ZNF385D: variants seen among roughly 807,000 people sequenced by gnomAD.
ZNF385D encodes zinc finger protein 385D, also known as zinc finger protein 659.
ZNF385D carries 15 observed loss-of-function variants against 35.8 expected under a neutral mutation model. The observed-to-expected ratio is 0.42, with a 90% CI of 0.28 to 0.64. The LOEUF (loss-of-function observed/expected upper bound fraction) is 0.64. Among genes scored for constraint, ZNF385D ranks in the 30% least tolerant of loss-of-function variants. The pLI, the probability that ZNF385D is intolerant of heterozygous loss-of-function variation, is 0.23. For missense variants in ZNF385D, 474 were observed against 494.6 expected (o/e 0.96, Z 0.39); for synonymous variants, 212 against 186.8 (o/e 1.13, Z -1.10).
At chr3:21,899,036 C>T (rs1396444163) in intron 3 of ZNF385D, among the ~76,000 whole-genome samples, 1 of 152,078 alleles carries the variant, frequency 6.6e-6, no homozygotes, top group Non-Finnish European at 1.5e-5. Context: ...GTTATTCCCT[C>T]AGACAATAGT....
chr3:21,592,557 C>CAAAAA (rs67997432), intron 2 of ZNF385D, among the ~76,000 whole-genome samples: 8 of 114,866 alleles, frequency 7.0e-5, no homozygotes, highest in Admixed American at 1.7e-4. Flanking sequence ...AAAAAAAAAC[C>CAAAAA]AAAAACAAAA....
intron 4 of ZNF385D, among the ~76,000 whole-genome samples, chr3:21,496,693 C>T (rs557351531): frequency 5.3e-5 from 8 of 151,264 alleles, no homozygotes; most frequent in South Asian, 2.1e-4. Context: ...CATCAAAAAG[C>T]GAATCTACCA....
intron 3 of ZNF385D, among the ~76,000 whole-genome samples, chr3:21,877,635 A>G (rs1467679528): frequency 6.6e-6 from 1 of 151,994 alleles, no homozygotes; most frequent in Non-Finnish European, 1.5e-5. Context: ...ATTATAAACT[A>G]TTTTTAGTAC....
chr3:21,987,712 G>A (rs1694890558), intron 3 of ZNF385D, among the ~76,000 whole-genome samples: 1 of 145,672 alleles, frequency 6.9e-6, no homozygotes, highest in Non-Finnish European at 1.5e-5. Context: ...CTGAACATTG[G>A]CCTGCCTTGC....
chr3:22,281,699 T>G (rs1701750216), intron 2 of ZNF385D, among the ~76,000 whole-genome samples: 1 of 152,032 alleles, frequency 6.6e-6, no homozygotes, highest in Non-Finnish European at 1.5e-5. Context: ...GGTGTGTACT[T>G]TTCTTTTTTT....
At chr3:21,670,685 G>T (rs1327656699) in intron 1 of ZNF385D, among the ~76,000 whole-genome samples, 2 of 65,566 alleles carry the variant, frequency 3.1e-5, no homozygotes, top group Non-Finnish European at 5.6e-5. Flanking sequence ...ATGACTGAAC[G>T]AATCCCCTTT....
intron 2 of ZNF385D, among the ~76,000 whole-genome samples, chr3:22,173,930 G>C (rs890206398): frequency 6.6e-6 from 1 of 151,496 alleles, no homozygotes; most frequent in Non-Finnish European, 1.5e-5. Flanking sequence ...TGAATAACTG[G>C]GCTACCAACC....
At chr3:22,202,717 G>A (rs921237259) in intron 2 of ZNF385D, among the ~76,000 whole-genome samples, 12 of 152,244 alleles carry the variant, frequency 7.9e-5, no homozygotes, top group African/African-American at 2.9e-4. Context: ...AGCAGATGCA[G>A]GATATGGACA....
At chr3:22,354,031 T>C (rs1390967870) in intron 2 of ZNF385D, among the ~76,000 whole-genome samples, 1 of 150,972 alleles carries the variant, frequency 6.6e-6, no homozygotes, top group Non-Finnish European at 1.5e-5. Flanking sequence ...TCTTGCATTA[T>C]CTTCTTTTTT....
chr3:22,140,244 C>A (rs965168395), intron 3 of ZNF385D, among the ~76,000 whole-genome samples: 2 of 152,194 alleles, frequency 1.3e-5, no homozygotes, highest in Middle Eastern at 3.4e-3. Context: ...TAATACTCAG[C>A]AATAAAAAGG....
At chr3:21,949,847 A>T (rs999753905) in intron 3 of ZNF385D, among the ~76,000 whole-genome samples, 16 of 151,972 alleles carry the variant, frequency 1.1e-4, no homozygotes, top group African/African-American at 3.9e-4. Context: ...GAGAATGACC[A>T]TTTCCAGCTT....
In ZNF385D at chr3:21,517,313, T is replaced by C. The variant is rs919771607; in HGVS notation, c.277-6290A>G. Reference sequence around the variant, plus strand: ...CAAACGACTGCCGAGATAATGGCCATGAACACACCTGTGAAGGGTCGTAGA... The same window carrying C: ...CAAACGACTGCCGAGATAATGGCCACGAACACACCTGTGAAGGGTCGTAGA... On this transcript the variant is annotated intron_variant, in intron 3 of 7. Transcript: ENST00000281523. 2.0e-5 allele frequency among the ~76,000 whole-genome samples: 3 copies of C among 151,956 alleles called. No individual in the cohort carries two copies. The South Asian group carries it at 6.3e-4, about 32-fold the overall frequency.
rs1288673025 is a variant in ZNF385D at position 21,646,438 on chromosome 3, G to A, written c.165+18448C>T. The stretch of plus-strand genomic sequence containing the variant: ...GAGAGCCACAGCTCCCAAGGGCAGT[G>A]CTTGGATAGGAACTCAGATCTTTAC... On this transcript the variant is annotated intron_variant, in intron 2 of 7. Coordinates refer to ENST00000281523, the MANE Select transcript of ZNF385D (RefSeq NM_024697.3). This position sits in a 1 kb window ranked among gnomAD's most constrained non-coding sequence, Gnocchi z 4.3. Among the ~76,000 whole-genome samples the A allele has an allele frequency of 6.6e-6, 1 of 152,196 alleles. No homozygotes were observed. Among genetic ancestry groups the A allele is most frequent in the East Asian group, 1.9e-4 (1 of 5,194 alleles).
chr3:22,213,043 G>C (rs1212810987), intron 2 of ZNF385D, among the ~76,000 whole-genome samples: 1 of 151,956 alleles, frequency 6.6e-6, no homozygotes, highest in Non-Finnish European at 1.5e-5. Flanking sequence ...ATAAATGCAA[G>C]TTAATATGTG....
intron 1 of ZNF385D, among the ~76,000 whole-genome samples, chr3:21,742,419 T>G (rs2069560272): frequency 6.6e-6 from 1 of 152,210 alleles, no homozygotes; most frequent in Admixed American, 6.5e-5. Flanking sequence ...TTGCTACTTA[T>G]AGATCAGGGG....
chr3:22,016,237 G>A (rs1324119479), intron 3 of ZNF385D, among the ~76,000 whole-genome samples: 1 of 152,076 alleles, frequency 6.6e-6, no homozygotes, highest in Non-Finnish European at 1.5e-5. Context: ...GCAAGGAGAT[G>A]CCACTAGCAT....
At chr3:21,651,251 G>A (rs1408617961) in intron 2 of ZNF385D, among the ~76,000 whole-genome samples, 4 of 116,292 alleles carry the variant, frequency 3.4e-5, no homozygotes, top group South Asian at 2.9e-4. Context: ...TCGTGCCACC[G>A]CACTCCAGCC....
At chr3:22,115,521 G>T (rs974246534) in intron 3 of ZNF385D, among the ~76,000 whole-genome samples, 1 of 152,000 alleles carries the variant, frequency 6.6e-6, no homozygotes, top group Non-Finnish European at 1.5e-5. Flanking sequence ...TCATTTTCAA[G>T]ATTTTCAAGT....
chr3:21,700,032 G>A (rs556872952), intron 1 of ZNF385D, among the ~76,000 whole-genome samples: 6 of 151,740 alleles, frequency 4.0e-5, no homozygotes, highest in Admixed American at 6.6e-5. Context: ...GGGTTTCACC[G>A]TGTTGGCCAG....
Sources: allele counts gnomAD v4.1 joint callset (sites outside exome capture counted in the v4.1 genomes callset), GRCh38; gene constraint gnomAD v4.1.1; non-coding constraint Gnocchi (gnomAD v3.1); transcripts MANE v1.5; gene names NCBI Gene and HGNC (gene_info 2026-07-23, HGNC 2026-07-21).